The following TCF12 variants were observed in gnomAD, a reference collection of about 807,000 sequenced individuals.
TCF12 encodes the protein transcription factor 12, also known as DNA-binding protein HTF4.
A neutral mutation model predicts 86.0 loss-of-function variants in TCF12; 45 were observed. The observed-to-expected ratio is 0.52, with a 90% CI of 0.41 to 0.67. TCF12 has a LOEUF of 0.67. Ranked by LOEUF, TCF12 falls within the 30% of genes least tolerant of loss-of-function variation. The pLI is 0.00. For synonymous variants in TCF12, 330 were observed against 299.6 expected (o/e 1.10, Z -1.05); for missense variants, 881 against 859.9 (o/e 1.02, Z -0.31).
intron 3 of TCF12, among the ~76,000 whole-genome samples, chr15:56,932,313 A>G (rs1226612894): frequency 6.6e-6 from 1 of 152,242 alleles, no homozygotes; most frequent in African/African-American, 2.4e-5. Flanking sequence ...ACAGTGAAAT[A>G]CATTTGCCTG....
intron 8 of TCF12, among the ~76,000 whole-genome samples, chr15:57,214,890 T>G (rs1187582439): frequency 1.3e-5 from 2 of 152,124 alleles, no homozygotes; most frequent in African/African-American, 4.8e-5. Flanking sequence ...TTAGAAGGCT[T>G]TTTACTGATA....
At chr15:57,081,629 C>G (rs1010201073) in intron 4 of TCF12, among the ~76,000 whole-genome samples, 1 of 152,164 alleles carries the variant, frequency 6.6e-6, no homozygotes, top group Non-Finnish European at 1.5e-5. Flanking sequence ...CCTCTGCCTC[C>G]TGGGTTCAAG....
chr15:57,003,977 G>A (rs1485834419), intron 3 of TCF12, among the ~76,000 whole-genome samples: 4 of 152,146 alleles, frequency 2.6e-5, no homozygotes, highest in African/African-American at 9.7e-5. Context: ...TTACATGGTA[G>A]TGCATCAGTC....
At position 57,274,154 on chromosome 15, in the gene TCF12, G is replaced by A. The variant is rs552780283; in HGVS notation, c.1978+892G>A. Among the ~76,000 whole-genome samples, 10 of 152,228 alleles carry A rather than the reference G, an allele frequency of 6.6e-5. No individual in the cohort carries two copies. In the South Asian group the frequency reaches 8.3e-4, roughly 13 times the overall value. ...TAGTCTCTCTCAGAGCAATTCTTTCGATTTTGTGTGAAGACGGTTCAAAAA... is the reference window on the plus strand; with the variant it reads ...TAGTCTCTCTCAGAGCAATTCTTTCAATTTTGTGTGAAGACGGTTCAAAAA... On this transcript the variant is annotated intron_variant, in intron 19 of 20. Coordinates refer to ENST00000333725, the MANE Select transcript of TCF12 (RefSeq NM_207037.2).
chr15:56,944,005 T>C (rs2060889550), intron 3 of TCF12, among the ~76,000 whole-genome samples: 1 of 152,182 alleles, frequency 6.6e-6, no homozygotes, highest in Non-Finnish European at 1.5e-5. Context: ...CATTGAAGTG[T>C]GTGTCTTTTA....
At chr15:56,924,824 A>C (rs1460440598) in intron 3 of TCF12, among the ~76,000 whole-genome samples, 1 of 152,104 alleles carries the variant, frequency 6.6e-6, no homozygotes, top group Non-Finnish European at 1.5e-5. Context: ...GTTTATGAAA[A>C]CTCATACTTG....
In TCF12 at chr15:57,089,576, A is replaced by G. The variant is rs1449454070; in HGVS notation, c.223-2213A>G. On this transcript the variant is annotated intron_variant, in intron 4 of 20. Transcript: ENST00000333725. ...AGATATATTTGTATAGTGGTGCTTT[A>G]GGAAATAGTTTTTTTTTTTTTTTTT... is the stretch of plus-strand genomic sequence containing the variant. 2.8e-5 allele frequency among the ~76,000 whole-genome samples: 3 copies of G among 105,658 alleles called. No homozygotes were observed. The East Asian group carries it at 8.1e-4, about 29-fold the overall frequency. The allele number at this position is 105,658 out of a possible 152,430, so 69.3% of individuals were successfully genotyped here.
At chr15:56,983,266 C>A (rs2062984505) in intron 3 of TCF12, among the ~76,000 whole-genome samples, 1 of 152,144 alleles carries the variant, frequency 6.6e-6, no homozygotes, top group South Asian at 2.1e-4. Context: ...AGATTGGTAA[C>A]TATTAGAGAG....
At chr15:57,087,085 C>G (rs1422916931) in intron 4 of TCF12, among the ~76,000 whole-genome samples, 1 of 148,164 alleles carries the variant, frequency 6.7e-6, no homozygotes, top group Non-Finnish European at 1.5e-5. Context: ...CCCTCTGTCT[C>G]CCTCTGTCTC....
intron 3 of TCF12, among the ~76,000 whole-genome samples, chr15:56,971,576 T>C (rs2062328569): frequency 6.6e-6 from 1 of 152,034 alleles, no homozygotes. Context: ...GTCCATGCAG[T>C]TAGTTGGGGG....
At chr15:57,147,584 A>G (rs1455743182) in intron 5 of TCF12, among the ~76,000 whole-genome samples, 4 of 152,220 alleles carry the variant, frequency 2.6e-5, no homozygotes, top group African/African-American at 9.6e-5. Context: ...AACAGAAAGT[A>G]TAAAATAAAA....
At chr15:56,922,910 CTTATATA>C (rs1567108415) in intron 3 of TCF12, among the ~76,000 whole-genome samples, 1 of 151,628 alleles carries the variant, frequency 6.6e-6, no homozygotes, top group African/African-American at 2.4e-5. Context: ...CATTATTTTA[CTTATATA>C]TTTTATATTT....
intron 4 of TCF12, among the ~76,000 whole-genome samples, chr15:57,064,965 AG>A (rs1286353792): frequency 1.3e-5 from 2 of 152,172 alleles, no homozygotes; most frequent in East Asian, 3.8e-4. Flanking sequence ...AGGAAAACTG[AG>A]TAAGTGACTG....
At chr15:57,208,068 C>T (rs2057920550) in intron 8 of TCF12, among the ~76,000 whole-genome samples, 1 of 147,238 alleles carries the variant, frequency 6.8e-6, no homozygotes, top group Non-Finnish European at 1.5e-5. Flanking sequence ...GAGTATTGCT[C>T]AGTCGCTCAG....
chr15:57,103,651 G>A (rs761053861), intron 5 of TCF12, among the ~76,000 whole-genome samples: 10 of 152,150 alleles, frequency 6.6e-5, no homozygotes, highest in Non-Finnish European at 1.5e-4. Flanking sequence ...ATGCAAGAAT[G>A]TTTGCCCCAC....
chr15:57,007,768 TTC>T (rs2064483386), intron 3 of TCF12, among the ~76,000 whole-genome samples: 2 of 51,928 alleles, frequency 3.9e-5, no homozygotes, highest in Non-Finnish European at 9.2e-5. Flanking sequence ...CTTTCTTTCT[TTC>T]TTTCTTTCTT....
intron 3 of TCF12, among the ~76,000 whole-genome samples, chr15:56,978,973 G>C (rs1475024187): frequency 6.6e-6 from 1 of 152,122 alleles, no homozygotes; most frequent in African/African-American, 2.4e-5. Context: ...AAATGTGCTG[G>C]TGGCTACCTC....
At chr15:57,046,416 C>G (rs1011319929) in intron 3 of TCF12, among the ~76,000 whole-genome samples, 1 of 152,018 alleles carries the variant, frequency 6.6e-6, no homozygotes, top group African/African-American at 2.4e-5. Flanking sequence ...CAGTTAGATT[C>G]ATTTTTTTCT....
At chr15:57,284,601 G>C (rs553154701) in intron 20 of TCF12, among the ~76,000 whole-genome samples, 12 of 152,374 alleles carry the variant, frequency 7.9e-5, no homozygotes, top group Admixed American at 2.0e-4. Flanking sequence ...TTTCAAAGAA[G>C]AGTGATGGGA....
Sources: gnomAD v4.1 joint callset for allele counts (sites outside exome capture counted in the v4.1 genomes callset) on GRCh38, gnomAD v4.1.1 for gene constraint, MANE v1.5 for transcripts, NCBI Gene and HGNC (gene_info 2026-07-23, HGNC 2026-07-21) for gene names.